Variants in SOX6 observed in about 807,000 individuals in gnomAD.
SOX6 encodes the protein SRY-box transcription factor 6.
A neutral mutation model predicts 97.8 loss-of-function variants in SOX6; 11 were observed. That is an observed-to-expected ratio of 0.11 (90% CI 0.07 to 0.19). The LOEUF (loss-of-function observed/expected upper bound fraction) is 0.19, where lower values mean the gene tolerates loss of function less well. Ranked by LOEUF, SOX6 falls within the 10% of genes least tolerant of loss-of-function variation. The pLI is 1.00. For synonymous variants in SOX6, 360 were observed against 371.4 expected (o/e 0.97, Z 0.35); for missense variants, 810 against 1,039.5 (o/e 0.78, Z 3.04).
At chr11:16,687,797 G>C (rs1215783458) in intron 3 of SOX6, among the ~76,000 whole-genome samples, 1 of 152,088 alleles carries the variant, frequency 6.6e-6, no homozygotes, top group Non-Finnish European at 1.5e-5. Context: ...CTCCTAAAGT[G>C]CTAGTGTAAC....
chr11:16,101,982 C>A (rs921564645), intron 7 of SOX6, among the ~76,000 whole-genome samples: 1 of 151,780 alleles, frequency 6.6e-6, no homozygotes, highest in African/African-American at 2.4e-5. Context: ...GACAAGGATA[C>A]CCACTTTAAC....
chr11:16,640,556 G>A (rs559977975), intron 3 of SOX6, among the ~76,000 whole-genome samples: 2 of 152,166 alleles, frequency 1.3e-5, no homozygotes, highest in East Asian at 3.9e-4. Context: ...TTTTTTGGTT[G>A]GTAAGCTATT....
chr11:16,018,430 A>G lies in SOX6; in HGVS notation c.1624-3380T>C, dbSNP rs561657372. ...AGAATGAATTTGGGGTAACTAAAAG[A>G]ACAGAGGTTTGTTTTCATCTAGGAA... On this transcript the variant is annotated intron_variant, in intron 12 of 15. Coordinates refer to ENST00000683767, the MANE Select transcript of SOX6 (RefSeq NM_001367873.1). 7.2e-5 allele frequency among the ~76,000 whole-genome samples: 11 copies of G among 152,058 alleles called. 1 individual carries two copies. The South Asian group carries it at 2.1e-3, about 29-fold the overall frequency.
intron 4 of SOX6, among the ~76,000 whole-genome samples, chr11:16,530,504 A>G (rs1450283508): frequency 6.6e-6 from 1 of 152,090 alleles, no homozygotes; most frequent in Non-Finnish European, 1.5e-5. Flanking sequence ...AATATCTGCC[A>G]AATACATTGA....
intron 9 of SOX6, among the ~76,000 whole-genome samples, chr11:16,076,341 T>G (rs1003457629): frequency 1.3e-5 from 2 of 151,846 alleles, no homozygotes; most frequent in Non-Finnish European, 2.9e-5. Context: ...GGGGAAATAT[T>G]TGCATACTAT....
chr11:16,685,436 G>A (rs1847961700), intron 3 of SOX6, among the ~76,000 whole-genome samples: 1 of 152,316 alleles, frequency 6.6e-6, no homozygotes, highest in South Asian at 2.1e-4. Context: ...TTCCAAAAGG[G>A]AGAAACTGGC....
chr11:16,256,054 C>T (rs751467129), intron 3 of SOX6, among the ~76,000 whole-genome samples: 1 of 151,920 alleles, frequency 6.6e-6, no homozygotes, highest in East Asian at 1.9e-4. Flanking sequence ...TGCTGAAAGT[C>T]CTTTATATAT....
intron 13 of SOX6, among the ~76,000 whole-genome samples, chr11:15,991,349 T>A (rs1430430307): frequency 6.6e-6 from 1 of 152,184 alleles, no homozygotes; most frequent in African/African-American, 2.4e-5. Flanking sequence ...ACAATATCCA[T>A]CAACACAGGG....
intron 2 of SOX6, among the ~76,000 whole-genome samples, chr11:16,733,672 C>T (rs1848368563): frequency 6.8e-6 from 1 of 146,866 alleles, no homozygotes; most frequent in African/African-American, 2.5e-5. Flanking sequence ...CACGTATATA[C>T]CTATGTAACA....
chr11:16,734,703 C>T (rs945884303), intron 2 of SOX6, among the ~76,000 whole-genome samples: 1 of 152,184 alleles, frequency 6.6e-6, no homozygotes, highest in African/African-American at 2.4e-5. Flanking sequence ...CATCCTACCA[C>T]ATAAACTTGC....
In SOX6 at chr11:16,135,656, TTGC is replaced by T. The variant is rs1849941676; in HGVS notation, c.778-23736_778-23734del. ...TAATAAAACCTTAATGGATGTGAAGTTGCGCCTTATAGGTGAGCAAAGAAGCTG... is the reference window on the plus strand; with the variant it reads ...TAATAAAACCTTAATGGATGTGAAGTGCCTTATAGGTGAGCAAAGAAGCTG... On this transcript the variant is annotated intron_variant, in intron 6 of 15. Coordinates refer to ENST00000683767, the MANE Select transcript of SOX6 (RefSeq NM_001367873.1). Among the ~76,000 whole-genome samples, 6 of 152,294 alleles carry T rather than the reference TTGC, an allele frequency of 3.9e-5. No homozygotes were observed. The South Asian group carries it at 1.2e-3, about 32-fold the overall frequency.
chr11:16,301,326 C>G (rs1855250479), intron 3 of SOX6, among the ~76,000 whole-genome samples: 1 of 152,076 alleles, frequency 6.6e-6, no homozygotes, highest in South Asian at 2.1e-4. Context: ...AATATGTTAC[C>G]CAGTCAGAAG....
intron 14 of SOX6, among the ~76,000 whole-genome samples, chr11:15,986,925 A>C (rs543431769): frequency 6.6e-6 from 1 of 152,204 alleles, no homozygotes; most frequent in South Asian, 2.1e-4. Flanking sequence ...CAAGTCTGCC[A>C]TGGCCTAGGT....
At chr11:16,599,418 C>T (rs1334869021) in intron 4 of SOX6, among the ~76,000 whole-genome samples, 1 of 152,142 alleles carries the variant, frequency 6.6e-6, no homozygotes, top group Non-Finnish European at 1.5e-5. Flanking sequence ...TTGTATTTCA[C>T]TATTTATCCC....
At chr11:16,201,898 G>A (rs535319270) in intron 4 of SOX6, among the ~76,000 whole-genome samples, 1 of 135,392 alleles carries the variant, frequency 7.4e-6, no homozygotes, top group Non-Finnish European at 1.5e-5. Flanking sequence ...CTCCCAAAGT[G>A]CTGGGATTAC....
intron 4 of SOX6, among the ~76,000 whole-genome samples, chr11:16,506,209 G>C (rs1379924133): frequency 2.0e-5 from 3 of 152,208 alleles, no homozygotes; most frequent in Non-Finnish European, 4.4e-5. Context: ...CTGCACCACA[G>C]GGGTGGAGCT....
chr11:16,514,481 G>C (rs978186755), intron 4 of SOX6, among the ~76,000 whole-genome samples: 3 of 151,648 alleles, frequency 2.0e-5, no homozygotes, highest in Non-Finnish European at 4.4e-5. Context: ...CTAATATTAT[G>C]GTTTCTCAGT....
At chr11:16,045,745 G>A (rs1029959421) in intron 12 of SOX6, among the ~76,000 whole-genome samples, 11 of 152,080 alleles carry the variant, frequency 7.2e-5, no homozygotes, top group Non-Finnish European at 1.5e-4. Flanking sequence ...ATATGGCCTG[G>A]ACTGTTGCTT....
intron 1 of SOX6, among the ~76,000 whole-genome samples, chr11:16,350,539 A>G (rs1345991523): frequency 6.6e-6 from 1 of 152,160 alleles, no homozygotes; most frequent in Admixed American, 6.6e-5. Context: ...GGGGATTGCA[A>G]TCAGTATTTC....
Sources: gnomAD v4.1 joint callset for allele counts (sites outside exome capture counted in the v4.1 genomes callset) on GRCh38, gnomAD v4.1.1 for gene constraint, MANE v1.5 for transcripts, NCBI Gene and HGNC (gene_info 2026-07-23, HGNC 2026-07-21) for gene names.